The following OSBPL5 variants were observed in gnomAD, a reference collection of about 807,000 sequenced individuals.
The protein encoded by OSBPL5 is oxysterol-binding protein-related protein 5.
In OSBPL5, 71 loss-of-function variants were observed where a neutral mutation model predicts 111.2. The observed-to-expected ratio is 0.64, with a 90% confidence interval of 0.53 to 0.78. The LOEUF (loss-of-function observed/expected upper bound fraction) is 0.78, where lower values mean the gene tolerates loss of function less well. OSBPL5 is among the 30% of genes least tolerant of loss of function. OSBPL5 has a pLI of 0.00. For missense variants in OSBPL5, 1,210 were observed against 1,189.3 expected, an observed-to-expected ratio of 1.02 and a Z score of -0.26; for synonymous variants, 549 against 513.9, an observed-to-expected ratio of 1.07 and a Z score of -0.93.
chr11:3,151,712 C>T (rs1171452969), intron 1 of OSBPL5, among the ~76,000 whole-genome samples: 3 of 152,260 alleles, frequency 2.0e-5, no homozygotes, highest in African/African-American at 7.2e-5. Context: ...CCGGTGACTC[C>T]TCGGAGAATG....
Position 3,107,531 on chromosome 11 carries a change from C to A in OSBPL5, c.867-76G>T. 1 of 1,515,836 alleles carries A rather than the reference C, an allele frequency of 6.6e-7. No individual in the cohort carries two copies. The highest frequency in any genetic ancestry group is 1.2e-5 in the South Asian group (1 of 85,204). The allele number at this position is 1,515,836 out of a possible 1,614,324, so 93.9% of individuals were successfully genotyped here. On this transcript the variant is annotated intron_variant, in intron 8 of 21. Transcript: ENST00000263650. The surrounding 1 kb of genome is among the most constrained non-coding windows in gnomAD (Gnocchi z 6.1). ...ACAGCCCTCTGGGCTGCCCACCCCT[C>A]GCTGCTCCGCACTTCACATACGTTC...
In OSBPL5 at chr11:3,107,887, C is replaced by T; in HGVS notation, c.750G>A (p.Leu250=). ...CGTCTCGGCCCGGCTTGCAGGTGCCCAGTCTCAGTAGGCTAGAGCAGCGCA... is the reference window on the plus strand; with the variant it reads ...CGTCTCGGCCCGGCTTGCAGGTGCCTAGTCTCAGTAGGCTAGAGCAGCGCA... ...LALRCSSLLR[L]GTCKPGRDGE... Residue 250 remains leucine (L), a synonymous_variant, in exon 8 of 22, where the codon CTG becomes CTA. Transcript: ENST00000263650. The surrounding 1 kb of genome is among the most constrained non-coding windows in gnomAD (Gnocchi z 6.1). The T allele has an allele frequency of 6.2e-7, 1 of 1,606,104 alleles. No individual in the cohort carries two copies. The highest frequency in any genetic ancestry group is 8.5e-7 in the Non-Finnish European group (1 of 1,179,902).
At chr11:3,143,650 G>C (rs965005219) in intron 1 of OSBPL5, among the ~76,000 whole-genome samples, 1 of 152,234 alleles carries the variant, frequency 6.6e-6, no homozygotes, top group Non-Finnish European at 1.5e-5. Flanking sequence ...TGTCCAGGAC[G>C]GGCAGGTCTG....
chr11:3,128,106 A>G (rs1157666546), intron 2 of OSBPL5, among the ~76,000 whole-genome samples: 2 of 152,236 alleles, frequency 1.3e-5, no homozygotes, highest in Non-Finnish European at 2.9e-5. Flanking sequence ...TAGCACCTTC[A>G]GCAAGGCCAC....
chr11:3,152,702 A>G (rs1336774694), intron 1 of OSBPL5, among the ~76,000 whole-genome samples: 1 of 152,118 alleles, frequency 6.6e-6, no homozygotes, highest in Non-Finnish European at 1.5e-5. Context: ...TGCCTGCAAA[A>G]CCTCCAGGAA....
Position 3,162,598 on chromosome 11 carries a change from A to G in OSBPL5, c.-22+2618T>C, listed in dbSNP as rs1416860920. Among the ~76,000 whole-genome samples, 1 of 151,616 alleles carries G rather than the reference A, an allele frequency of 6.6e-6. No individual in the cohort carries two copies. Among genetic ancestry groups the G allele is most frequent in the East Asian group, 1.9e-4 (1 of 5,144 alleles). ...TCCTTTGTACTCGACCGCCAACCCT[A>G]CCACTCTCCGGAGCAGCTTCACTAT... On this transcript the variant is annotated intron_variant, in intron 1 of 21. Coordinates refer to ENST00000263650, the MANE Select transcript of OSBPL5 (RefSeq NM_020896.4). This position sits in a 1 kb window ranked among gnomAD's most constrained non-coding sequence, Gnocchi z 8.1.
At chr11:3,101,121 C>A (rs536997283) in intron 13 of OSBPL5, among the ~76,000 whole-genome samples, 2 of 151,956 alleles carry the variant, frequency 1.3e-5, no homozygotes, top group South Asian at 4.1e-4. Flanking sequence ...ATGACAGGCA[C>A]GTGCCACCAT....
chr11:3,091,996 G>A (rs1218881380), intron 19 of OSBPL5, among the ~76,000 whole-genome samples: 1 of 152,202 alleles, frequency 6.6e-6, no homozygotes, highest in Non-Finnish European at 1.5e-5. Context: ...CACACCCAAG[G>A]CAGCTTCCTC....
intron 13 of OSBPL5, 137 bp from the exon 14 acceptor site, chr11:3,100,393 T>C (rs1269890183): frequency 1.4e-6 from 1 of 704,572 alleles, no homozygotes; most frequent in Non-Finnish European, 2.5e-6. Context: ...TGTCTGTGCG[T>C]GAGTCACTTA....
intron 14 of OSBPL5, chr11:3,094,871 CTTTGT>C (rs1005460449): frequency 6.6e-6 from 1 of 152,052 alleles, no homozygotes; most frequent in Non-Finnish European, 1.5e-5. Flanking sequence ...ATACGTCTTT[CTTTGT>C]TTTGTTTTTT....
rs904043730 is a variant in OSBPL5, at chr11:3,121,350, A to G, written c.402+647T>C. 1.3e-5 allele frequency among the ~76,000 whole-genome samples: 2 copies of G among 152,056 alleles called. No homozygotes were observed. The highest frequency in any genetic ancestry group is 6.6e-5 in the Admixed American group (1 of 15,256). ...TGGGATTACAGGTGTGAGCCACTGC[A>G]CCCGGCCTGGCAGCTCTGTAAATTC... is the stretch of plus-strand genomic sequence containing the variant. On this transcript the variant is annotated intron_variant, in intron 5 of 21. Coordinates refer to ENST00000263650, the MANE Select transcript of OSBPL5 (RefSeq NM_020896.4). The surrounding 1 kb of genome is among the most constrained non-coding windows in gnomAD (Gnocchi z 4.3).
intron 10 of OSBPL5, among the ~76,000 whole-genome samples, chr11:3,103,745 A>AGC: frequency 1.9e-5 from 1 of 51,350 alleles, no homozygotes; most frequent in South Asian, 8.9e-4. Context: ...TGCCTCTGCA[A>AGC]CCCTCTTCCA....
chr11:3,093,495 C>T, intron 17 of OSBPL5, 32 bp downstream of exon 17: 2 of 1,598,510 alleles, frequency 1.3e-6, no homozygotes, highest in Non-Finnish European at 1.7e-6. Flanking sequence ...AGGCTGTGGT[C>T]AGCAGGGTCC....
rs1355825259 is a variant in OSBPL5 at position 3,107,187 on chromosome 11, C to T, written c.1059+76G>A. 35 of 1,522,756 alleles carry T rather than the reference C, an allele frequency of 2.3e-5. No homozygotes were observed. Among genetic ancestry groups the T allele is most frequent in the Non-Finnish European group, 2.4e-5 (27 of 1,128,404 alleles). The allele number at this position is 1,522,756 out of a possible 1,614,324, so 94.3% of individuals were successfully genotyped here. A position where few individuals can be genotyped will look rare whatever the true frequency, so the allele number is the denominator to read the frequency against. ...CCTGCGTGCTCCCCCTAGGATGAGG[C>T]ATGGCTACCTCTGCTTCCGGAACAA... On this transcript the variant is annotated intron_variant, in intron 9 of 21. Coordinates refer to ENST00000263650, the MANE Select transcript of OSBPL5 (RefSeq NM_020896.4). The surrounding 1 kb of genome is among the most constrained non-coding windows in gnomAD (Gnocchi z 6.1).
At position 3,109,172 on chromosome 11, in the gene OSBPL5, C is replaced by G. The variant is rs1857822246; in HGVS notation, c.692-1227G>C. 6.6e-6 allele frequency among the ~76,000 whole-genome samples: 1 copy of G among 152,118 alleles called. No individual in the cohort carries two copies. Among genetic ancestry groups the G allele is most frequent in the African/African-American group, 2.4e-5 (1 of 41,408 alleles). On this transcript the variant is annotated intron_variant, in intron 7 of 21. Transcript: ENST00000263650. The surrounding 1 kb of genome is among the most constrained non-coding windows in gnomAD (Gnocchi z 7.4). ...GGGTGATCTCAGCTCGCTGCAACCT[C>G]TGACTCCAGGGTTCAAGTGATTCTC...
chr11:3,120,791 C>T (rs921792187), intron 5 of OSBPL5, among the ~76,000 whole-genome samples, 167 bp from the exon 6 acceptor site: 1 of 152,222 alleles, frequency 6.6e-6, no homozygotes, highest in Non-Finnish European at 1.5e-5. Context: ...TCCTCACCCT[C>T]ACTCCCTGGG....
intron 10 of OSBPL5, 130 bp from the exon 11 acceptor site, chr11:3,103,450 G>T (rs945686143): frequency 2.7e-6 from 2 of 738,242 alleles, no homozygotes; most frequent in Admixed American, 2.7e-5. Flanking sequence ...TGGCCCAGGC[G>T]CTCTGGTCAC....
At position 3,107,915 on chromosome 11, in the gene OSBPL5, G is replaced by A. The variant is rs376277544; in HGVS notation, c.722C>T (p.Ala241Val). 20 of 1,601,694 alleles carry A rather than the reference G, an allele frequency of 1.2e-5. No homozygotes were observed. The highest frequency in any genetic ancestry group is 1.4e-5 in the Non-Finnish European group (16 of 1,179,842). Residue 241 changes from alanine (A) to valine (V), a missense_variant, in exon 8 of 22, where the codon GCC (alanine) becomes GTC (valine). Coordinates refer to ENST00000263650, the MANE Select transcript of OSBPL5 (RefSeq NM_020896.4). The surrounding 1 kb of genome is among the most constrained non-coding windows in gnomAD (Gnocchi z 6.1). ...GRCWLDALEL[A>V]LRCSSLLRLG... is the part of the protein sequence containing the mutation. ...TCTCAGTAGGCTAGAGCAGCGCAGG[G>A]CCAGCTCCAGGGCGTCCAGCCAGCA... is the stretch of plus-strand genomic sequence containing the variant.
Position 3,113,790 on chromosome 11 carries a change from A to G in OSBPL5, c.691+5757T>C, listed in dbSNP as rs1020492281. On this transcript the variant is annotated intron_variant, in intron 7 of 21. Coordinates refer to ENST00000263650, the MANE Select transcript of OSBPL5 (RefSeq NM_020896.4). This position sits in a 1 kb window ranked among gnomAD's most constrained non-coding sequence, Gnocchi z 4.8. Reference sequence around the variant, plus strand: ...AAGGTTCATTTTGAGAAAGACTGTTATAGTCTTTGTTTCAGGTAAACTATA... The same window carrying G: ...AAGGTTCATTTTGAGAAAGACTGTTGTAGTCTTTGTTTCAGGTAAACTATA... 2.0e-5 allele frequency among the ~76,000 whole-genome samples: 3 copies of G among 152,324 alleles called. No individual in the cohort carries two copies. Among genetic ancestry groups the G allele is most frequent in the Admixed American group, 2.0e-4 (3 of 15,298 alleles).
Sources: gnomAD v4.1 joint callset for allele counts (sites outside exome capture counted in the v4.1 genomes callset) on GRCh38, gnomAD v4.1.1 for gene constraint, Gnocchi (gnomAD v3.1) non-coding constraint, MANE v1.5 for transcripts, NCBI Gene and HGNC (gene_info 2026-07-23, HGNC 2026-07-21) for gene names.